Variants in SPDYE5 observed in about 807,000 individuals in gnomAD.
SPDYE5 encodes the protein speedy/RINGO cell cycle regulator family member E5.
In SPDYE5, 15 loss-of-function variants were observed where a neutral mutation model predicts 48.5. The observed-to-expected ratio is 0.31, with a 90% CI of 0.21 to 0.48. The LOEUF (loss-of-function observed/expected upper bound fraction) is 0.48. SPDYE5 is among the 20% of genes least tolerant of loss of function. SPDYE5 has a pLI of 0.99. For missense variants in SPDYE5, 331 were observed against 549.1 expected (o/e 0.60, Z 3.97); for synonymous variants, 116 against 200.7 (o/e 0.58, Z 3.57).
chr7:75,496,724 A>C lies in SPDYE5; in HGVS notation c.430A>C (p.Lys144Gln). ...PPHRSFCWKR[K>Q]MEWWDESEES... The stretch of plus-strand genomic sequence containing the variant: ...GCATAGGTCCTTTTGCTGGAAAAGG[A>C]AGATGGAGTGGTGGGACGAATCTGA... Residue 144 changes from lysine (K) to glutamine (Q), a missense_variant, in exon 4 of 9, where the codon AAG becomes CAG. Physicochemically the swap from Lys to Gln is moderately conservative, Grantham distance 53. Transcript: ENST00000625065. 6 of 1,594,518 alleles carry C rather than the reference A, an allele frequency of 3.8e-6. No individual in the cohort carries two copies. Among genetic ancestry groups the C allele is most frequent in the Non-Finnish European group, 5.1e-6 (6 of 1,178,646 alleles).
rs1377299487 is a variant in SPDYE5, at chr7:75,503,175, G to C, written c.*388G>C. ...GTTTCTTATGGACTTGGTTACCACA[G>C]TCCAGAAGCATTTGAAGGCACAATG... On this transcript the variant is annotated 3_prime_UTR_variant, in exon 9 of 9. Coordinates refer to ENST00000625065, the MANE Select transcript of SPDYE5 (RefSeq NM_001306141.4). 2.6e-6 allele frequency: 1 copy of C among 389,140 alleles called. No individual in the cohort carries two copies. The highest frequency in any genetic ancestry group is 7.3e-5 in the East Asian group (1 of 13,638). 24.1% of individuals were successfully genotyped at this position (389,140 alleles called of 1,614,324 possible). A position where few individuals can be genotyped will look rare whatever the true frequency, so the allele number is the denominator to read the frequency against.
intron 5 of SPDYE5, among the ~76,000 whole-genome samples, chr7:75,498,962 C>T (rs1793043303): frequency 6.8e-6 from 1 of 146,120 alleles, no homozygotes; most frequent in African/African-American, 2.4e-5. Flanking sequence ...CTCCTTACAC[C>T]AGCCGACCTA....
intron 6 of SPDYE5, 28 bp from the exon 7 acceptor site, chr7:75,501,334 T>C (rs1372583093): frequency 6.2e-7 from 1 of 1,611,850 alleles, no homozygotes; most frequent in Non-Finnish European, 8.5e-7. Context: ...GTGGTGCCCC[T>C]GAGCAGCAAC....
chr7:75,503,874 G>A lies in SPDYE5; in HGVS notation c.*1087G>A, dbSNP rs1269423862. 6.6e-6 allele frequency: 1 copy of A among 151,284 alleles called. No individual in the cohort carries two copies. Among genetic ancestry groups the A allele is most frequent in the Non-Finnish European group, 1.5e-5 (1 of 67,862 alleles). 9.4% of individuals were successfully genotyped at this position (151,284 alleles called of 1,614,324 possible). ...GAAATACTGCTATTTTTGAATAGAT[G>A]CTGTTTCTATAAAGCTGTGTGATGG... On this transcript the variant is annotated 3_prime_UTR_variant, in exon 9 of 9. Coordinates refer to ENST00000625065, the MANE Select transcript of SPDYE5 (RefSeq NM_001306141.4).
intron 6 of SPDYE5, among the ~76,000 whole-genome samples, chr7:75,500,775 C>A (rs1344307661): frequency 6.6e-6 from 1 of 152,196 alleles, no homozygotes. Flanking sequence ...GTGGCCCAAT[C>A]TCAACTCACT....
At chr7:75,502,728 C>T (rs1793200175) in intron 8 of SPDYE5, 105 bp from the exon 9 acceptor site, 1 of 1,130,580 alleles carries the variant, frequency 8.8e-7, no homozygotes, top group South Asian at 1.8e-5. Flanking sequence ...GATAAAATTG[C>T]ATTTCTCAAT....
Position 75,494,164 on chromosome 7 carries a change from C to A in SPDYE5, c.117C>A (p.Tyr39Ter), listed in dbSNP as rs1341999737. Reference protein sequence around the residue: ...EQSPQRSTSGYPLQEVVDDEV... With the variant: ...EQSPQRSTSG ...GTCCCCAGCGGAGCACCTCGGGGTA[C>A]CCCCTCCAGGAGGTGGTGGATGATG... Residue 39 changes from tyrosine (Y) to a stop codon, truncating the protein, a stop_gained, in exon 2 of 9, where the codon TAC (tyrosine) becomes TAA (stop). Coordinates refer to ENST00000625065, the MANE Select transcript of SPDYE5 (RefSeq NM_001306141.4). LOFTEE classifies it high-confidence loss of function. 7 of 1,535,030 alleles carry A rather than the reference C, an allele frequency of 4.6e-6. No homozygotes were observed. Among genetic ancestry groups the A allele is most frequent in the Non-Finnish European group, 6.1e-6 (7 of 1,146,682 alleles).
Position 75,501,420 on chromosome 7 carries a change from T to C in SPDYE5, c.814T>C (p.Phe272Leu). 3.1e-6 allele frequency: 5 copies of C among 1,612,752 alleles called. No homozygotes were observed. Among genetic ancestry groups the C allele is most frequent in the Non-Finnish European group, 4.2e-6 (5 of 1,179,990 alleles). Residue 272 changes from phenylalanine (F) to leucine (L), a missense_variant, in exon 7 of 9, where the codon TTC (phenylalanine) becomes CTC (leucine). Phe to Leu is a conservative substitution (Grantham distance 22). This residue lies in a region of SPDYE5 where 70 missense variants were observed against 87.6 expected (regional missense o/e 0.80). Coordinates refer to ENST00000625065, the MANE Select transcript of SPDYE5 (RefSeq NM_001306141.4). The stretch of plus-strand genomic sequence containing the variant: ...GGACTCCAAACAAAACATCTTCCAC[T>C]TCCTGTATGGGAAGAACCGCTCTCG... ...DEDSKQNIFH[F>L]LYGKNRSRIP...
chr7:75,496,970 C>T, intron 4 of SPDYE5, 66 bp downstream of exon 4: 3 of 1,046,300 alleles, frequency 2.9e-6, no homozygotes, highest in Non-Finnish European at 4.1e-6. Context: ...CTTCCAATAA[C>T]CACACTTTTC....
chr7:75,495,358 C>A lies in SPDYE5; in HGVS notation c.363C>A (p.Gly121=), dbSNP rs188724099. ...CCATCCTCCCTGAGCACCACAAGGGCTTCAACAGTCAGCTTGGTAGGAGGA... is the reference window on the plus strand; with the variant it reads ...CCATCCTCCCTGAGCACCACAAGGGATTCAACAGTCAGCTTGGTAGGAGGA... ...VSPILPEHHK[G]FNSQLAPGVD... is the part of the protein sequence containing the mutation. The change falls in exon 3 of 9, where the codon GGC becomes GGA. Residue 121 remains glycine, a synonymous_variant. Coordinates refer to ENST00000625065, the MANE Select transcript of SPDYE5 (RefSeq NM_001306141.4). 60 of 1,597,660 alleles carry A rather than the reference C, an allele frequency of 3.8e-5. No homozygotes were observed. The African/African-American group carries it at 6.3e-4, about 17-fold the overall frequency.
At chr7:75,498,470 G>A (rs1171203290) in intron 5 of SPDYE5, among the ~76,000 whole-genome samples, 1 of 150,958 alleles carries the variant, frequency 6.6e-6, no homozygotes, top group Admixed American at 6.6e-5. Flanking sequence ...TTTTTTTTGT[G>A]AGACAGAGTC....
intron 6 of SPDYE5, 95 bp from the exon 7 acceptor site, chr7:75,501,267 G>C: frequency 1.9e-6 from 3 of 1,580,530 alleles, no homozygotes; most frequent in Non-Finnish European, 2.6e-6. Context: ...TCCTGAGCTA[G>C]GGACGGTCCC....
chr7:75,496,242 C>G (rs1584737524), intron 3 of SPDYE5, among the ~76,000 whole-genome samples: 2 of 148,306 alleles, frequency 1.3e-5, no homozygotes, highest in Non-Finnish European at 1.5e-5. Flanking sequence ...CAAAAATGAG[C>G]TGGGCGTTCT....
At chr7:75,495,826 G>C (rs1792903972) in intron 3 of SPDYE5, among the ~76,000 whole-genome samples, 1 of 152,026 alleles carries the variant, frequency 6.6e-6, no homozygotes, top group African/African-American at 2.4e-5. Context: ...GATCACTTGA[G>C]GTCAGTTGTT....
chr7:75,492,154 CAA>C (rs1792757781), upstream of SPDYE5, among the ~76,000 whole-genome samples: 2 of 151,996 alleles, frequency 1.3e-5, no homozygotes, highest in South Asian at 4.1e-4. Flanking sequence ...TTTCATTCCA[CAA>C]AAGAGAAATT....
chr7:75,502,750 C>G (rs1280161391), intron 8 of SPDYE5, 83 bp from the exon 9 acceptor site: 2 of 1,070,072 alleles, frequency 1.9e-6, no homozygotes, highest in Non-Finnish European at 2.4e-6. Context: ...GCTCTGAACT[C>G]TAGACTTGAC....
intron 5 of SPDYE5, among the ~76,000 whole-genome samples, chr7:75,498,880 G>A (rs1174737066): frequency 1.1e-4 from 17 of 151,806 alleles, no homozygotes; most frequent in African/African-American, 2.7e-4. Context: ...CAGTCTGGCC[G>A]CAGCCCTGAA....
At position 75,493,895 on chromosome 7, in the gene SPDYE5, G is replaced by A. The variant is rs1334125992; in HGVS notation, c.-153G>A. On this transcript the variant is annotated 5_prime_UTR_variant, in exon 2 of 9. Coordinates refer to ENST00000625065, the MANE Select transcript of SPDYE5 (RefSeq NM_001306141.4). ...CATGAGCGATGACATCAGAGATTCC[G>A]ACCATCCTGATTGGAGGGACCGGAC... 6.7e-5 allele frequency: 98 copies of A among 1,464,044 alleles called. 1 individual carries two copies. In the South Asian group the frequency reaches 1.2e-3, roughly 18 times the overall value. 90.7% of individuals were successfully genotyped at this position (1,464,044 alleles called of 1,614,324 possible).
intron 8 of SPDYE5, 24 bp downstream of exon 8, chr7:75,502,006 A>G: frequency 6.6e-7 from 1 of 1,512,816 alleles, no homozygotes; most frequent in Non-Finnish European, 8.9e-7. Flanking sequence ...CTCCGGGGTA[A>G]AGGCAGAATA....
Sources: gnomAD v4.1 joint callset for allele counts (sites outside exome capture counted in the v4.1 genomes callset) on GRCh38, gnomAD v4.1.1 for gene constraint, gnomAD v4.1.1 regional missense constraint, MANE v1.5 for transcripts, NCBI Gene and HGNC (gene_info 2026-07-23, HGNC 2026-07-21) for gene names.